The following MRC2 variants were observed in gnomAD, a reference collection of about 807,000 sequenced individuals.
MRC2 encodes the protein C-type mannose receptor 2.
Under a neutral mutation model 206.2 loss-of-function variants are expected in MRC2, and 84 were observed. The observed-to-expected ratio is 0.41, with a 90% confidence interval of 0.34 to 0.49. The LOEUF (loss-of-function observed/expected upper bound fraction) is 0.49. Ranked by LOEUF, MRC2 falls within the 20% of genes least tolerant of loss-of-function variation. MRC2 has a pLI of 0.31. For missense variants in MRC2, 1,676 were observed against 2,001.5 expected (o/e 0.84, Z 3.10); for synonymous variants, 798 against 800.0 (o/e 1.00, Z 0.04).
chr17:62,688,446 G>A, intron 21 of MRC2, 43 bp downstream of exon 21: 4 of 1,614,122 alleles, frequency 2.5e-6, no homozygotes, highest in Non-Finnish European at 3.4e-6. Context: ...CTCTGACACT[G>A]TCCCCCCAAA....
At position 62,672,235 on chromosome 17, in the gene MRC2, TTAC is replaced by T; in HGVS notation, c.1461+86_1461+88del. 3 of 1,547,464 alleles carry T rather than the reference TTAC, an allele frequency of 1.9e-6. No homozygotes were observed. Among genetic ancestry groups the T allele is most frequent in the Non-Finnish European group, 2.7e-6 (3 of 1,125,420 alleles). On this transcript the variant is annotated intron_variant, in intron 8 of 29. Transcript: ENST00000303375. The surrounding 1 kb of genome is among the most constrained non-coding windows in gnomAD (Gnocchi z 4.5). ...CCACCCCAGCTGAAGGACATCCTAG[TTAC>T]TATCAGAACCTGCCTGGAACCTCTT...
intron 6 of MRC2, among the ~76,000 whole-genome samples, chr17:62,669,217 T>TTTTG (rs562796797): frequency 1.3e-3 from 202 of 152,186 alleles, no homozygotes; most frequent in African/African-American, 4.6e-3. Flanking sequence ...GGACTGGTTT[T>TTTTG]TTTGTTTGTT....
chr17:62,654,296 C>T (rs1598976133), intron 1 of MRC2, among the ~76,000 whole-genome samples: 1 of 152,150 alleles, frequency 6.6e-6, no homozygotes. Flanking sequence ...TCGCTGGGCC[C>T]TGCGTTCCTG....
chr17:62,661,656 G>C (rs2088683693), intron 1 of MRC2: 1 of 150,466 alleles, frequency 6.6e-6, no homozygotes, highest in Non-Finnish European at 1.5e-5. Context: ...GGAAAGAGTA[G>C]AACAAAGACT....
At position 62,675,710 on chromosome 17, in the gene MRC2, C is replaced by G. The variant is rs2147476388; in HGVS notation, c.1570-80C>G. 1 of 1,126,906 alleles carries G rather than the reference C, an allele frequency of 8.9e-7. No individual in the cohort carries two copies. Among genetic ancestry groups the G allele is most frequent in the Non-Finnish European group, 1.3e-6 (1 of 744,912 alleles). 69.8% of individuals were successfully genotyped at this position (1,126,906 alleles called of 1,614,324 possible). ...CGTTCAGTGATGTCCCTGATGGCAT[C>G]TCCCACCACAGGATTTATGGGTGAG... is the stretch of plus-strand genomic sequence containing the variant. On this transcript the variant is annotated intron_variant, in intron 9 of 29. Transcript: ENST00000303375. This position sits in a 1 kb window ranked among gnomAD's most constrained non-coding sequence, Gnocchi z 4.1.
intron 1 of MRC2, among the ~76,000 whole-genome samples, chr17:62,629,366 G>T (rs2084197861): frequency 6.6e-6 from 1 of 152,218 alleles, no homozygotes; most frequent in Non-Finnish European, 1.5e-5. Context: ...TTCATAGAGG[G>T]GGCTGGAAGT....
At chr17:62,631,393 C>T (rs572473010) in intron 1 of MRC2, among the ~76,000 whole-genome samples, 1 of 152,238 alleles carries the variant, frequency 6.6e-6, no homozygotes, top group Admixed American at 6.5e-5. Flanking sequence ...GGGAGTCACT[C>T]AAGGCTGTGC....
intron 1 of MRC2, among the ~76,000 whole-genome samples, chr17:62,660,052 G>A (rs904090264): frequency 7.2e-5 from 11 of 152,210 alleles, no homozygotes; most frequent in Admixed American, 4.6e-4. Context: ...AGAGTAGCTT[G>A]TGTCAGTCTA....
In MRC2 at chr17:62,680,977, GC is replaced by G. The variant is rs2088958732; in HGVS notation, c.2634+18del. ...TTGCAGAAGGTGGGCATTGGATTGA[GC>G]AGGGGGCTGCAGGCTGGGGGAGGGC... On this transcript the variant is annotated intron_variant, in intron 17 of 29. Coordinates refer to ENST00000303375, the MANE Select transcript of MRC2 (RefSeq NM_006039.5). This position sits in a 1 kb window ranked among gnomAD's most constrained non-coding sequence, Gnocchi z 4.8. 1 of 1,611,980 alleles carries G rather than the reference GC, an allele frequency of 6.2e-7. No homozygotes were observed. The highest frequency in any genetic ancestry group is 8.5e-7 in the Non-Finnish European group (1 of 1,179,172).
At position 62,690,731 on chromosome 17, in the gene MRC2, G is replaced by A. The variant is rs774527722; in HGVS notation, c.3982G>A (p.Ala1328Thr). ...GAGCTATGAGGGCCAGAGTCGGGGCGCCTGGCTGGGCATGAACTTCAACCC... is the reference window on the plus strand; with the variant it reads ...GAGCTATGAGGGCCAGAGTCGGGGCACCTGGCTGGGCATGAACTTCAACCC... ...LQSYEGQSRG[A>T]WLGMNFNPKG... The change falls in exon 27 of 30, where the codon GCC becomes ACC. Residue 1328 changes from alanine to threonine, a missense_variant. Physicochemically the swap from Ala to Thr is moderately conservative, Grantham distance 58. Coordinates refer to ENST00000303375, the MANE Select transcript of MRC2 (RefSeq NM_006039.5). 8 of 1,611,540 alleles carry A rather than the reference G, an allele frequency of 5.0e-6. No individual in the cohort carries two copies. In the East Asian group the frequency reaches 1.1e-4, roughly 22 times the overall value.
At position 62,664,597 on chromosome 17, in the gene MRC2, G is replaced by T; in HGVS notation, c.168G>T (p.Glu56Asp). Residue 56 changes from glutamate (E) to aspartate (D), a missense_variant, in exon 2 of 30, where the codon GAG becomes GAT. Around this residue, in one of 3 missense-constraint regions of MRC2, gnomAD observed 318 missense variants for 346.7 expected, o/e 0.92. Coordinates refer to ENST00000303375, the MANE Select transcript of MRC2 (RefSeq NM_006039.5). The surrounding 1 kb of genome is among the most constrained non-coding windows in gnomAD (Gnocchi z 4.7). ...GCCATGGACTGCAGGGCTGCCTGGA[G>T]GCCCAGGGCGGGCAGGTCAGAGTCA... Reference protein sequence around the residue: ...IFSHGLQGCLEAQGGQVRVTP... With the variant: ...IFSHGLQGCLDAQGGQVRVTP... 2 of 1,613,502 alleles carry T rather than the reference G, an allele frequency of 1.2e-6. No homozygotes were observed.
At chr17:62,689,298 T>C (rs778202560) in intron 23 of MRC2, 3 of 579,240 alleles carry the variant, frequency 5.2e-6, no homozygotes, top group Non-Finnish European at 9.2e-6. Context: ...GCCGGGTTCC[T>C]TGGGTAGGAG....
chr17:62,674,492 A>G (rs1164608075), intron 9 of MRC2, among the ~76,000 whole-genome samples: 27 of 152,106 alleles, frequency 1.8e-4, no homozygotes, highest in Admixed American at 1.8e-3. Context: ...CTCAGAGTCC[A>G]GCCTAGTCAT....
chr17:62,675,977 G>T lies in MRC2; in HGVS notation c.1685+72G>T. ...CCTATTGTGGTCCCTTCAGCAAACA[G>T]GGTAGCATCTGCCATCATGCCCAGA... On this transcript the variant is annotated intron_variant, in intron 10 of 29. Transcript: ENST00000303375. The surrounding 1 kb of genome is among the most constrained non-coding windows in gnomAD (Gnocchi z 4.1). 7.8e-7 allele frequency: 1 copy of T among 1,289,410 alleles called. No individual in the cohort carries two copies. The allele number at this position is 1,289,410 out of a possible 1,614,324, so 79.9% of individuals were successfully genotyped here. A position where few individuals can be genotyped will look rare whatever the true frequency, so the allele number is the denominator to read the frequency against.
At chr17:62,628,012 C>CG (rs1314740741) in intron 1 of MRC2, 92 bp downstream of exon 1, 6 of 827,774 alleles carry the variant, frequency 7.2e-6, no homozygotes, top group Non-Finnish European at 1.0e-5. Context: ...CTTTTCCCCC[C>CG]TCTTTTCTCC....
In MRC2 at chr17:62,647,474, C is replaced by T. The variant is rs908864145; in HGVS notation, c.119-17074C>T. 5.3e-5 allele frequency among the ~76,000 whole-genome samples: 8 copies of T among 151,648 alleles called. No homozygotes were observed. The South Asian group carries it at 8.3e-4, about 16-fold the overall frequency. The stretch of plus-strand genomic sequence containing the variant: ...TGCTGAGATTACAAGTGTGAGCTGC[C>T]GCGCCCTGCCATTTTTGCTTTAAAA... On this transcript the variant is annotated intron_variant, in intron 1 of 29. Transcript: ENST00000303375.
chr17:62,630,067 C>T (rs371405581), intron 1 of MRC2, among the ~76,000 whole-genome samples: 1 of 152,310 alleles, frequency 6.6e-6, no homozygotes, highest in East Asian at 1.9e-4. Flanking sequence ...GCCATATTAC[C>T]GCATTTCTGG....
chr17:62,630,381 C>T (rs887364080), intron 1 of MRC2, among the ~76,000 whole-genome samples: 1 of 152,138 alleles, frequency 6.6e-6, no homozygotes, highest in African/African-American at 2.4e-5. Context: ...TGGTCACACC[C>T]CTAGTAAGTG....
intron 12 of MRC2, among the ~76,000 whole-genome samples, chr17:62,677,877 C>G (rs574712552): frequency 6.6e-6 from 1 of 152,146 alleles, no homozygotes; most frequent in African/African-American, 2.4e-5. Flanking sequence ...TGGTGAAACC[C>G]CATCTCTACT....
Sources: gnomAD v4.1 joint callset for allele counts (sites outside exome capture counted in the v4.1 genomes callset) on GRCh38, gnomAD v4.1.1 for gene constraint, gnomAD v4.1.1 regional missense constraint, Gnocchi (gnomAD v3.1) non-coding constraint, MANE v1.5 for transcripts, NCBI Gene and HGNC (gene_info 2026-07-23, HGNC 2026-07-21) for gene names.